SPOCK3: variants seen among roughly 807,000 people sequenced by gnomAD.
The protein encoded by SPOCK3 is SPARC (osteonectin), cwcv and kazal like domains proteoglycan 3.
Under a neutral mutation model 56.6 loss-of-function variants are expected in SPOCK3, and 30 were observed. The observed-to-expected ratio is 0.53, with a 90% CI of 0.40 to 0.72. The LOEUF (loss-of-function observed/expected upper bound fraction) is 0.72, where lower values mean the gene tolerates loss of function less well. Ranked by LOEUF, SPOCK3 falls within the 30% of genes least tolerant of loss-of-function variation. The pLI, the probability that SPOCK3 is intolerant of heterozygous loss-of-function variation, is 0.00. For synonymous variants in SPOCK3, 196 were observed against 183.3 expected, an observed-to-expected ratio of 1.07 and a Z score of -0.56; for missense variants, 527 against 530.0, an observed-to-expected ratio of 0.99 and a Z score of 0.06.
At chr4:166,999,038 G>T (rs1451719060) in intron 4 of SPOCK3, among the ~76,000 whole-genome samples, 2 of 152,126 alleles carry the variant, frequency 1.3e-5, no homozygotes, top group Non-Finnish European at 2.9e-5. Context: ...ATTGATGGGG[G>T]ATATGTTACT....
chr4:166,916,845 T>C (rs1737909470), intron 4 of SPOCK3, among the ~76,000 whole-genome samples: 1 of 152,204 alleles, frequency 6.6e-6, no homozygotes, highest in African/African-American at 2.4e-5. Context: ...ATACAATTAC[T>C]TATATGAAGA....
intron 2 of SPOCK3, among the ~76,000 whole-genome samples, chr4:167,098,689 T>C (rs1485838700): frequency 6.6e-6 from 1 of 151,942 alleles, no homozygotes; most frequent in East Asian, 1.9e-4. Flanking sequence ...ACATCTCTGA[T>C]TCTCCCACTC....
At chr4:166,742,222 G>A (rs1734920467) in intron 8 of SPOCK3, among the ~76,000 whole-genome samples, 163 bp from the exon 9 acceptor site, 1 of 124,054 alleles carries the variant, frequency 8.1e-6, no homozygotes, top group Admixed American at 7.9e-5. Flanking sequence ...GTACATACAT[G>A]TGTCTATCTA....
intron 2 of SPOCK3, among the ~76,000 whole-genome samples, chr4:167,204,393 G>A (rs1733824942): frequency 6.6e-6 from 1 of 152,060 alleles, no homozygotes; most frequent in African/African-American, 2.4e-5. Flanking sequence ...ACACATAGCT[G>A]GGGAGGCCTC....
intron 8 of SPOCK3, among the ~76,000 whole-genome samples, chr4:166,753,432 T>C (rs770435363): frequency 9.2e-4 from 140 of 151,978 alleles, no homozygotes; most frequent in Non-Finnish European, 1.6e-3. Flanking sequence ...ATACAGTAAA[T>C]GTATTTTTTA....
At chr4:167,005,445 C>T (rs1749367661) in intron 3 of SPOCK3, among the ~76,000 whole-genome samples, 1 of 151,944 alleles carries the variant, frequency 6.6e-6, no homozygotes, top group Non-Finnish European at 1.5e-5. Flanking sequence ...GATCCCCTGA[C>T]CTCGTGATCC....
intron 4 of SPOCK3, among the ~76,000 whole-genome samples, chr4:166,957,784 C>A (rs1743659694): frequency 1.3e-5 from 2 of 152,104 alleles, no homozygotes; most frequent in Non-Finnish European, 2.9e-5. Flanking sequence ...TGGCCAATTT[C>A]TCCTTTTTGG....
At chr4:167,105,356 G>A (rs945039142) in intron 2 of SPOCK3, among the ~76,000 whole-genome samples, 2 of 150,860 alleles carry the variant, frequency 1.3e-5, no homozygotes, top group Non-Finnish European at 3.0e-5. Flanking sequence ...GTTTGTTTAT[G>A]CAATCAGTGT....
At chr4:166,952,463 G>A (rs1012147918) in intron 4 of SPOCK3, among the ~76,000 whole-genome samples, 14 of 152,152 alleles carry the variant, frequency 9.2e-5, no homozygotes, top group African/African-American at 3.4e-4. Context: ...AACATTCCAT[G>A]CTCATGGGTA....
At chr4:167,079,885 TA>T (rs1444938176) in intron 2 of SPOCK3, among the ~76,000 whole-genome samples, 2 of 151,992 alleles carry the variant, frequency 1.3e-5, no homozygotes, top group Admixed American at 6.6e-5. Context: ...GGTATTAAAT[TA>T]GATCAGAAAC....
chr4:166,918,354 T>C (rs1170280414), intron 4 of SPOCK3: 1 of 152,154 alleles, frequency 6.6e-6, no homozygotes, highest in African/African-American at 2.4e-5. Flanking sequence ...AAATTTTAAG[T>C]AAGGTATATA....
chr4:167,220,544 A>ATT (rs528592723), intron 2 of SPOCK3, among the ~76,000 whole-genome samples: 5,359 of 140,576 alleles, frequency 0.038, 134 homozygotes, highest in Middle Eastern at 0.069. Context: ...CACACAGCTA[A>ATT]TTTTTTTTTT....
chr4:166,973,249 G>C (rs2703839), intron 4 of SPOCK3, among the ~76,000 whole-genome samples: 99,080 of 151,990 alleles, frequency 0.65, 34,063 homozygotes, highest in East Asian at 0.85. Context: ...CACCATGATT[G>C]TAAGTTTTCT....
chr4:167,100,650 C>G (rs1051529820), intron 2 of SPOCK3, among the ~76,000 whole-genome samples: 2 of 152,062 alleles, frequency 1.3e-5, no homozygotes, highest in African/African-American at 4.8e-5. Context: ...AATGGATTTA[C>G]ATAGAATAAA....
At chr4:166,907,986 C>T (rs1241053976) in intron 5 of SPOCK3, among the ~76,000 whole-genome samples, 1 of 151,854 alleles carries the variant, frequency 6.6e-6, no homozygotes, top group Non-Finnish European at 1.5e-5. Context: ...CAAATGATCT[C>T]AGCTCTAAAT....
intron 2 of SPOCK3, among the ~76,000 whole-genome samples, chr4:167,143,794 G>T (rs1250768438): frequency 6.6e-6 from 1 of 151,882 alleles, no homozygotes. Flanking sequence ...TGTGAAACAG[G>T]CCAAATACTT....
At chr4:167,066,993 C>T (rs2150256724) in intron 2 of SPOCK3, among the ~76,000 whole-genome samples, 1 of 151,900 alleles carries the variant, frequency 6.6e-6, no homozygotes, top group Non-Finnish European at 1.5e-5. Flanking sequence ...CTGATAAACT[C>T]TCCCATTGTC....
At chr4:166,843,970 C>T (rs538086621) in intron 6 of SPOCK3, among the ~76,000 whole-genome samples, 7 of 152,134 alleles carry the variant, frequency 4.6e-5, no homozygotes, top group African/African-American at 9.7e-5. Context: ...TCCCAGATTA[C>T]GTTGCGCTAA....
chr4:167,052,869 T>C (rs1179150219), intron 3 of SPOCK3, among the ~76,000 whole-genome samples: 1 of 152,178 alleles, frequency 6.6e-6, no homozygotes, highest in East Asian at 1.9e-4. Context: ...TTAAGAAGTG[T>C]AATAATAGTG....
Sources: gnomAD v4.1 joint callset for allele counts (sites outside exome capture counted in the v4.1 genomes callset) on GRCh38, gnomAD v4.1.1 for gene constraint, MANE v1.5 for transcripts, NCBI Gene and HGNC (gene_info 2026-07-23, HGNC 2026-07-21) for gene names.